Variants in PIP5K1C observed in about 807,000 individuals in gnomAD.
PIP5K1C encodes the protein phosphatidylinositol-4-phosphate 5-kinase type 1 gamma.
Under a neutral mutation model 80.1 loss-of-function variants are expected in PIP5K1C, and 45 were observed. The ratio of observed to expected loss-of-function variants is 0.56; its 90% CI spans 0.44 to 0.72. The LOEUF (loss-of-function observed/expected upper bound fraction) is 0.72. PIP5K1C is among the 30% of genes least tolerant of loss of function. The pLI, the probability that PIP5K1C is intolerant of heterozygous loss-of-function variation, is 0.00. For synonymous variants in PIP5K1C, 498 were observed against 420.1 expected (o/e 1.19, Z -2.27); for missense variants, 753 against 954.6 (o/e 0.79, Z 2.78).
rs370729928 is a variant in PIP5K1C, at chr19:3,638,851, G to A, written c.1920+33C>T. The A allele has an allele frequency of 8.7e-6, 14 of 1,612,332 alleles. No homozygotes were observed. The East Asian group carries it at 1.3e-4, about 15-fold the overall frequency. On this transcript the variant is annotated intron_variant, in intron 16 of 17. Coordinates refer to ENST00000335312, the MANE Select transcript of PIP5K1C (RefSeq NM_012398.3). Reference sequence around the variant, plus strand: ...GTGTGTGAGAGAGAGTCCGGTTGACGAGCCGGCGGCAGGAGGAGCCCGGGG... The same window carrying A: ...GTGTGTGAGAGAGAGTCCGGTTGACAAGCCGGCGGCAGGAGGAGCCCGGGG...
At chr19:3,661,346 C>CA (rs2034828077) in intron 4 of PIP5K1C, among the ~76,000 whole-genome samples, 1 of 152,238 alleles carries the variant, frequency 6.6e-6, no homozygotes, top group Non-Finnish European at 1.5e-5. Context: ...CATGCCGCCC[C>CA]AGCCTCTTGC....
chr19:3,637,031 T>A lies in PIP5K1C; in HGVS notation c.1920+1853A>T. 1.9e-6 allele frequency: 2 copies of A among 1,066,092 alleles called. No individual in the cohort carries two copies. Among genetic ancestry groups the A allele is most frequent in the Non-Finnish European group, 2.3e-6 (2 of 879,970 alleles). The allele number at this position is 1,066,092 out of a possible 1,614,324, so 66.0% of individuals were successfully genotyped here. On this transcript the variant is annotated intron_variant, in intron 16 of 17. Transcript: ENST00000335312. The surrounding 1 kb of genome is among the most constrained non-coding windows in gnomAD (Gnocchi z 7.0). ...GAGCCGAGGCCTCAGCGCCTCCATC[T>A]GTGAGGTGGGTGTGGAGAGACCATC...
Position 3,637,286 on chromosome 19 carries a change from C to T in PIP5K1C, c.1920+1598G>A. On this transcript the variant is annotated intron_variant, in intron 16 of 17. Transcript: ENST00000335312. This position sits in a 1 kb window ranked among gnomAD's most constrained non-coding sequence, Gnocchi z 7.0. Reference sequence around the variant, plus strand: ...CAGACCCTGGGCCTCAGCTGTGCACCTGGTGATGGTGCTGCCCTATGGAGC... The same window carrying T: ...CAGACCCTGGGCCTCAGCTGTGCACTTGGTGATGGTGCTGCCCTATGGAGC... 6.7e-7 allele frequency: 1 copy of T among 1,490,630 alleles called. No homozygotes were observed. The highest frequency in any genetic ancestry group is 1.3e-5 in the South Asian group (1 of 75,898). The allele number at this position is 1,490,630 out of a possible 1,614,324, so 92.3% of individuals were successfully genotyped here. A position where few individuals can be genotyped will look rare whatever the true frequency, so the allele number is the denominator to read the frequency against.
At chr19:3,650,897 C>T (rs894058283) in intron 8 of PIP5K1C, among the ~76,000 whole-genome samples, 17 of 152,100 alleles carry the variant, frequency 1.1e-4, no homozygotes, top group Admixed American at 1.1e-3. Flanking sequence ...GCTGGGATTA[C>T]AGGCGTGCAC....
chr19:3,656,470 T>C lies in PIP5K1C; in HGVS notation c.556A>G (p.Ile186Val). 1 of 1,613,742 alleles carries C rather than the reference T, an allele frequency of 6.2e-7. No individual in the cohort carries two copies. The highest frequency in any genetic ancestry group is 8.5e-7 in the Non-Finnish European group (1 of 1,180,028). The change falls in exon 6 of 18, where the codon ATC becomes GTC. Residue 186 changes from isoleucine (I) to valine (V), a missense_variant. This residue lies in a region of PIP5K1C where 139 missense variants were observed against 289.7 expected (regional missense o/e 0.48). Transcript: ENST00000335312. ...TCCTTGTGCATGACGGTCTTGATGA[T>C]GAACTCGTCGTCGCTGGTGACGTAG... Reference protein sequence around the residue: ...LFYVTSDDEFIIKTVMHKEAE... With the variant: ...LFYVTSDDEFVIKTVMHKEAE...
At chr19:3,651,342 C>G (rs1335670699) in intron 8 of PIP5K1C, among the ~76,000 whole-genome samples, 1 of 152,194 alleles carries the variant, frequency 6.6e-6, no homozygotes, top group South Asian at 2.1e-4. Context: ...AGGCATGAGA[C>G]ACTGCGCCCA....
chr19:3,634,819 A>C lies in PIP5K1C; in HGVS notation c.1921-1299T>G, dbSNP rs138836010. 6.7e-3 allele frequency among the ~76,000 whole-genome samples: 1,019 copies of C among 152,268 alleles called. 22 individuals carry two copies. The highest frequency in any genetic ancestry group is 0.023 in the African/African-American group (945 of 41,550). On this transcript the variant is annotated intron_variant, in intron 16 of 17. Transcript: ENST00000335312. ...CCCTGCCCGATCCTACAGCTTCCAC[A>C]AGACCCCTGTTCCCGGGCCCTGGGC...
chr19:3,646,068 A>T lies in PIP5K1C; in HGVS notation c.1261-10T>A. 1 of 1,530,318 alleles carries T rather than the reference A, an allele frequency of 6.5e-7. No homozygotes were observed. The highest frequency in any genetic ancestry group is 8.9e-7 in the Non-Finnish European group (1 of 1,117,750). 94.8% of individuals were successfully genotyped at this position (1,530,318 alleles called of 1,614,324 possible). On this transcript the variant is annotated splice_polypyrimidine_tract_variant and intron_variant, in intron 10 of 17. Transcript: ENST00000335312. ...GGACGGACACCGTGTCCTGGAAGAG[A>T]GTTGGGGGGGGTGCCCGGGGGCAGA...
chr19:3,636,453 T>A lies in PIP5K1C; in HGVS notation c.1920+2431A>T, dbSNP rs1001702109. The A allele has an allele frequency of 8.1e-6, 8 of 985,358 alleles. No homozygotes were observed. The African/African-American group carries it at 1.4e-4, about 17-fold the overall frequency. The allele number at this position is 985,358 out of a possible 1,614,324, so 61.0% of individuals were successfully genotyped here. ...CCCTCCCCACGTCTGCCCCTTCAAGTCAGGTGTTTTTCAAAGTCCAAGCAC... is the reference window on the plus strand; with the variant it reads ...CCCTCCCCACGTCTGCCCCTTCAAGACAGGTGTTTTTCAAAGTCCAAGCAC... On this transcript the variant is annotated intron_variant, in intron 16 of 17. Coordinates refer to ENST00000335312, the MANE Select transcript of PIP5K1C (RefSeq NM_012398.3).
At position 3,696,577 on chromosome 19, in the gene PIP5K1C, G is replaced by A. The variant is rs528337936; in HGVS notation, c.94+3720C>T. 6.7e-6 allele frequency among the ~76,000 whole-genome samples: 1 copy of A among 149,950 alleles called. No homozygotes were observed. Among genetic ancestry groups the A allele is most frequent in the Non-Finnish European group, 1.5e-5 (1 of 67,368 alleles). Reference sequence around the variant, plus strand: ...ACCTGGAAAGCGCTAAGGGAGCAAAGGACACAGATGGGAGGAGGGGCATTC... The same window carrying A: ...ACCTGGAAAGCGCTAAGGGAGCAAAAGACACAGATGGGAGGAGGGGCATTC... On this transcript the variant is annotated intron_variant, in intron 1 of 17. Transcript: ENST00000335312. This position sits in a 1 kb window ranked among gnomAD's most constrained non-coding sequence, Gnocchi z 4.1.
intron 12 of PIP5K1C, 31 bp from the exon 13 acceptor site, chr19:3,643,412 G>A (rs2034066994): frequency 6.2e-7 from 1 of 1,611,450 alleles, no homozygotes; most frequent in Non-Finnish European, 8.5e-7. Context: ...GCACCTTGCG[G>A]AGCCTCCGAG....
chr19:3,697,085 C>T (rs559016252), intron 1 of PIP5K1C, among the ~76,000 whole-genome samples: 102 of 146,970 alleles, frequency 6.9e-4, no homozygotes, highest in South Asian at 1.1e-3. Context: ...CAAGGAGGAC[C>T]GAGCTGGACC....
In PIP5K1C at chr19:3,639,007, A is replaced by G. The variant is rs562155322; in HGVS notation, c.1797T>C (p.Ala599=). The G allele has an allele frequency of 1.2e-6, 2 of 1,611,114 alleles. No individual in the cohort carries two copies. The highest frequency in any genetic ancestry group is 1.3e-5 in the African/African-American group (1 of 75,010). Residue 599 remains alanine, a synonymous_variant, in exon 16 of 18, where the codon GCT becomes GCC. Coordinates refer to ENST00000335312, the MANE Select transcript of PIP5K1C (RefSeq NM_012398.3). Reference sequence around the variant, plus strand: ...CAGCAGCAGAGGCACCGGCCGGGGAAGCCTCCACCCTGGGGACAGGAGTAG... The same window carrying G: ...CAGCAGCAGAGGCACCGGCCGGGGAGGCCTCCACCCTGGGGACAGGAGTAG... ...VPKEEDAGVE[A]SPAGASAAVE...
At chr19:3,633,337 G>T in intron 17 of PIP5K1C, 100 bp downstream of exon 17, 1 of 928,770 alleles carries the variant, frequency 1.1e-6, no homozygotes, top group Non-Finnish European at 1.6e-6. Context: ...GTGCCCTCCC[G>T]CCCCGGGCCT....
At chr19:3,635,666 GA>G (rs2145365862) in intron 16 of PIP5K1C, among the ~76,000 whole-genome samples, 1 of 151,462 alleles carries the variant, frequency 6.6e-6, no homozygotes, top group African/African-American at 2.4e-5. Context: ...CTGGGTGACA[GA>G]GTGAGACTCC....
In PIP5K1C at chr19:3,631,016, C is replaced by T. The variant is rs771660452; in HGVS notation, c.*2151G>A. The stretch of plus-strand genomic sequence containing the variant: ...CTGAAAAGGAACCAAAAAACACAAC[C>T]AACACCAAGTATATCTCCAAAAGGG... On this transcript the variant is annotated 3_prime_UTR_variant, in exon 18 of 18. Coordinates refer to ENST00000335312, the MANE Select transcript of PIP5K1C (RefSeq NM_012398.3). The T allele has an allele frequency of 2.0e-5, 3 of 152,394 alleles. No individual in the cohort carries two copies. The highest frequency in any genetic ancestry group is 2.9e-5 in the Non-Finnish European group (2 of 68,062). The allele number at this position is 152,394 out of a possible 1,614,324, so 9.4% of individuals were successfully genotyped here.
At position 3,688,832 on chromosome 19, in the gene PIP5K1C, C is replaced by T. The variant is rs540529046; in HGVS notation, c.94+11465G>A. 3.3e-4 allele frequency among the ~76,000 whole-genome samples: 50 copies of T among 152,244 alleles called. No individual in the cohort carries two copies. Among genetic ancestry groups the T allele is most frequent in the African/African-American group, 1.2e-3 (49 of 41,540 alleles). On this transcript the variant is annotated intron_variant, in intron 1 of 17. Transcript: ENST00000335312. The surrounding 1 kb of genome is among the most constrained non-coding windows in gnomAD (Gnocchi z 5.3). Reference sequence around the variant, plus strand: ...GACCCACACCCACGTCGCCATGGCCCCCCACCCCGTTTTTGAGCCCCCACA... The same window carrying T: ...GACCCACACCCACGTCGCCATGGCCTCCCACCCCGTTTTTGAGCCCCCACA...
At chr19:3,639,720 G>A (rs1002067941) in intron 15 of PIP5K1C, among the ~76,000 whole-genome samples, 1 of 151,910 alleles carries the variant, frequency 6.6e-6, no homozygotes, top group Non-Finnish European at 1.5e-5. Flanking sequence ...GGAAGCCTCC[G>A]AGCCCAGCCT....
intron 1 of PIP5K1C, among the ~76,000 whole-genome samples, chr19:3,673,262 G>C (rs563330413): frequency 6.6e-6 from 1 of 152,056 alleles, no homozygotes; most frequent in African/African-American, 2.4e-5. Flanking sequence ...ATTCCCTCAC[G>C]GTTTGTTCCT....
Sources: allele counts gnomAD v4.1 joint callset (sites outside exome capture counted in the v4.1 genomes callset), GRCh38; gene constraint gnomAD v4.1.1; regional missense constraint gnomAD v4.1.1; non-coding constraint Gnocchi (gnomAD v3.1); transcripts MANE v1.5; gene names NCBI Gene and HGNC (gene_info 2026-07-23, HGNC 2026-07-21).